Variants in CD302 observed in about 807,000 individuals in gnomAD.
CD302 encodes CD302 antigen.
CD302 carries 23 observed loss-of-function variants against 26.5 expected under a neutral mutation model. The ratio of observed to expected loss-of-function variants is 0.87; its 90% CI spans 0.62 to 1.23. CD302 has a LOEUF of 1.23. CD302 is among the 50% of genes most tolerant of loss of function. The pLI is 0.00. For missense variants in CD302, 290 were observed against 275.5 expected (o/e 1.05, Z -0.37); for synonymous variants, 90 against 99.4 (o/e 0.91, Z 0.56).
chr2:159,781,007 ATT>A lies in CD302; in HGVS notation c.179-11_179-10del. On this transcript the variant is annotated splice_polypyrimidine_tract_variant and intron_variant, in intron 2 of 5. Transcript: ENST00000259053. ...GCTTATCATGTCCGCTCCTGAAATT[ATT>A]TTAAAGAGAAAAAAAGTCAGCATAT... The A allele has an allele frequency of 6.3e-7, 1 of 1,593,866 alleles. No homozygotes were observed. Among genetic ancestry groups the A allele is most frequent in the South Asian group, 1.1e-5 (1 of 87,792 alleles).
chr2:159,776,142 T>G (rs1408001804), intron 5 of CD302, among the ~76,000 whole-genome samples: 1 of 150,964 alleles, frequency 6.6e-6, no homozygotes, highest in African/African-American at 2.4e-5. Flanking sequence ...CGTGAGCCAC[T>G]GCGCCCGGCC....
chr2:159,787,363 T>C (rs1160019515), intron 1 of CD302, among the ~76,000 whole-genome samples: 1 of 152,186 alleles, frequency 6.6e-6, no homozygotes, highest in African/African-American at 2.4e-5. Flanking sequence ...ATCTTAATAT[T>C]TGTTTTTCAT....
chr2:159,791,392 G>A (rs912341462), intron 1 of CD302, among the ~76,000 whole-genome samples: 2 of 152,134 alleles, frequency 1.3e-5, no homozygotes, highest in African/African-American at 4.8e-5. Flanking sequence ...GTTGTGTCTA[G>A]GGTTTTAAAA....
At chr2:159,782,778 A>G (rs114480399) in intron 2 of CD302, among the ~76,000 whole-genome samples, 4,071 of 151,884 alleles carry the variant, frequency 0.027, 84 homozygotes, top group Middle Eastern at 0.062. Context: ...TTATAAATCT[A>G]TTTCCTAGAG....
chr2:159,792,422 CTGTGTGTGTGTGTGTGTGTGTGTG>C (rs3138650), intron 1 of CD302, among the ~76,000 whole-genome samples: 2 of 145,202 alleles, frequency 1.4e-5, no homozygotes, highest in Non-Finnish European at 3.0e-5. Context: ...AGAACCAACT[CTGTGTGTGTGTGTGTGTGTGTGTG>C]TGTGTGTGTG....
At position 159,783,435 on chromosome 2, in the gene CD302, G is replaced by T. The variant is rs1366504301; in HGVS notation, c.102C>A (p.Asp34Glu). 1.6e-5 allele frequency: 25 copies of T among 1,611,494 alleles called. No individual in the cohort carries two copies. The highest frequency in any genetic ancestry group is 2.1e-5 in the Non-Finnish European group (25 of 1,179,386). Residue 34 changes from aspartate (D) to glutamate (E), a missense_variant, in exon 2 of 6, where the codon GAC becomes GAA. Asp to Glu is a conservative substitution (Grantham distance 45). Coordinates refer to ENST00000259053, the MANE Select transcript of CD302 (RefSeq NM_014880.5). Reference protein sequence around the residue: ...CPSSTWIQFQDSCYIFLQEAI... With the variant: ...CPSSTWIQFQESCYIFLQEAI... ...CTTCTTGGAGAAAAATGTAACAACT[G>T]TCTTGGAACTGAATCCAAGTAGATG...
intron 1 of CD302, among the ~76,000 whole-genome samples, chr2:159,789,042 AG>A (rs1046297832): frequency 1.6e-4 from 24 of 151,740 alleles, no homozygotes; most frequent in African/African-American, 5.6e-4. Context: ...TTTTAAGACA[AG>A]ATCTCTCTCT....
At chr2:159,797,410 T>C (rs1682482472) in intron 1 of CD302, among the ~76,000 whole-genome samples, 1 of 152,184 alleles carries the variant, frequency 6.6e-6, no homozygotes, top group African/African-American at 2.4e-5. Context: ...TGTATGGAAA[T>C]TTTTTAAAAA....
At chr2:159,782,569 C>A (rs1032634583) in intron 2 of CD302, among the ~76,000 whole-genome samples, 2 of 151,722 alleles carry the variant, frequency 1.3e-5, no homozygotes, top group African/African-American at 4.8e-5. Context: ...CCTGTCTCTA[C>A]AAACAAACAG....
intron 1 of CD302, among the ~76,000 whole-genome samples, chr2:159,783,957 GA>G (rs1182246268): frequency 6.6e-6 from 1 of 152,136 alleles, no homozygotes; most frequent in Non-Finnish European, 1.5e-5. Flanking sequence ...TATTGCACAG[GA>G]AAACAAGATT....
chr2:159,796,475 G>A (rs369148798), intron 1 of CD302, among the ~76,000 whole-genome samples: 3 of 152,316 alleles, frequency 2.0e-5, no homozygotes, highest in East Asian at 3.9e-4. Context: ...GGGACTAGAC[G>A]TGGAGTTCCC....
Position 159,771,410 on chromosome 2 carries a change from T to C in CD302, c.*441A>G, listed in dbSNP as rs193222017. ...AAAGATACACATTCTAGAGGAATTA[T>C]CTGCCAAAAAAATAACAATTATCAA... On this transcript the variant is annotated 3_prime_UTR_variant, in exon 6 of 6. Transcript: ENST00000259053. 7.0e-4 allele frequency: 107 copies of C among 153,732 alleles called. No individual in the cohort carries two copies. In the Middle Eastern group the frequency reaches 0.02, roughly 29 times the overall value. 9.5% of individuals were successfully genotyped at this position (153,732 alleles called of 1,614,324 possible). A position where few individuals can be genotyped will look rare whatever the true frequency, so the allele number is the denominator to read the frequency against.
Position 159,797,199 on chromosome 2 carries a change from G to A in CD302, c.67+933C>T, listed in dbSNP as rs145774512. Among the ~76,000 whole-genome samples the A allele has an allele frequency of 4.1e-5, 5 of 120,748 alleles. No homozygotes were observed. The East Asian group carries it at 1.1e-3, about 26-fold the overall frequency. The allele number at this position is 120,748 out of a possible 152,430, so 79.2% of individuals were successfully genotyped here. A position where few individuals can be genotyped will look rare whatever the true frequency, so the allele number is the denominator to read the frequency against. On this transcript the variant is annotated intron_variant, in intron 1 of 5. Coordinates refer to ENST00000259053, the MANE Select transcript of CD302 (RefSeq NM_014880.5). ...TCGAGCAGGCAGTTATTATAAAAAC[G>A]CAGTGAAATCTGGGGCAAGGGGTGG...
chr2:159,773,841 T>C (rs142530814), intron 5 of CD302, among the ~76,000 whole-genome samples: 206 of 149,286 alleles, frequency 1.4e-3, no homozygotes, highest in Middle Eastern at 6.9e-3. Flanking sequence ...ATAATAGCTA[T>C]TTACCATGAA....
chr2:159,782,599 C>T (rs189085327), intron 2 of CD302, among the ~76,000 whole-genome samples: 2 of 151,620 alleles, frequency 1.3e-5, no homozygotes, highest in African/African-American at 4.8e-5. Flanking sequence ...CTAGCGCACG[C>T]CTGTAGTCCT....
intron 1 of CD302, among the ~76,000 whole-genome samples, chr2:159,794,772 T>G (rs1332553255): frequency 1.3e-5 from 2 of 150,736 alleles, no homozygotes; most frequent in Non-Finnish European, 3.0e-5. Context: ...ATGGTCTCGA[T>G]CTCCTGACCT....
chr2:159,778,314 C>T (rs1220519809), intron 4 of CD302, among the ~76,000 whole-genome samples: 2 of 152,202 alleles, frequency 1.3e-5, no homozygotes, highest in Non-Finnish European at 1.5e-5. Context: ...GTGACCCTAA[C>T]TACCTTAGTA....
chr2:159,786,027 T>C (rs1708655505), intron 1 of CD302, among the ~76,000 whole-genome samples: 1 of 152,328 alleles, frequency 6.6e-6, no homozygotes, highest in Non-Finnish European at 1.5e-5. Flanking sequence ...ACTGCAAACC[T>C]GCACAGCACA....
intron 1 of CD302, among the ~76,000 whole-genome samples, chr2:159,794,445 G>A (rs1053255764): frequency 6.6e-6 from 1 of 151,098 alleles, no homozygotes; most frequent in Admixed American, 6.6e-5. Flanking sequence ...AGTAAAAGAA[G>A]TCCTGAAATA....
Sources: gnomAD v4.1 joint callset for allele counts (sites outside exome capture counted in the v4.1 genomes callset) on GRCh38, gnomAD v4.1.1 for gene constraint, MANE v1.5 for transcripts, NCBI Gene and HGNC (gene_info 2026-07-23, HGNC 2026-07-21) for gene names.